The following CADM1 variants were observed in gnomAD, a reference collection of about 807,000 sequenced individuals.
CADM1 encodes the protein cell adhesion molecule 1.
A neutral mutation model predicts 53.1 loss-of-function variants in CADM1; 15 were observed. That is an observed-to-expected ratio of 0.28 (90% CI 0.19 to 0.44). CADM1 has a LOEUF of 0.44. Ranked by LOEUF, CADM1 falls within the 20% of genes least tolerant of loss-of-function variation. The pLI is 1.00. For missense variants in CADM1, 434 were observed against 611.3 expected (o/e 0.71, Z 3.06); for synonymous variants, 281 against 243.0 (o/e 1.16, Z -1.45).
intron 2 of CADM1, among the ~76,000 whole-genome samples, chr11:115,239,046 G>A (rs1352699267): frequency 1.3e-5 from 2 of 152,120 alleles, no homozygotes; most frequent in Admixed American, 6.6e-5. Context: ...CCCTGAAGCA[G>A]GGAGTGCCAG....
At chr11:115,302,543 T>A (rs2135139336) in intron 1 of CADM1, among the ~76,000 whole-genome samples, 1 of 152,228 alleles carries the variant, frequency 6.6e-6, no homozygotes, top group South Asian at 2.1e-4. Context: ...TTTGTGAAGT[T>A]TATAGTATGT....
intron 1 of CADM1, among the ~76,000 whole-genome samples, chr11:115,380,651 T>C (rs925931394): frequency 6.6e-6 from 1 of 152,208 alleles, no homozygotes; most frequent in East Asian, 1.9e-4. Flanking sequence ...TAAAAGACTA[T>C]GGCTGTCGAG....
intron 1 of CADM1, among the ~76,000 whole-genome samples, chr11:115,419,482 T>C (rs1431864891): frequency 6.6e-6 from 1 of 152,188 alleles, no homozygotes; most frequent in African/African-American, 2.4e-5. Context: ...AGAGACATAA[T>C]CCTTTTGAGT....
chr11:115,259,432 A>G (rs1291275330), intron 1 of CADM1, among the ~76,000 whole-genome samples: 2 of 146,772 alleles, frequency 1.4e-5, no homozygotes, highest in East Asian at 2.0e-4. Flanking sequence ...CAGCCCCCCA[A>G]GTGGCTGGGA....
At chr11:115,308,190 G>GTATATATATATA (rs1944432950) in intron 1 of CADM1, among the ~76,000 whole-genome samples, 1 of 53,682 alleles carries the variant, frequency 1.9e-5, no homozygotes, top group African/African-American at 1.1e-4. Context: ...TCACTCATAG[G>GTATATATATATA]TGTGTATATA....
At chr11:115,413,147 G>T (rs537921196) in intron 1 of CADM1, among the ~76,000 whole-genome samples, 1 of 152,340 alleles carries the variant, frequency 6.6e-6, no homozygotes, top group African/African-American at 2.4e-5. Flanking sequence ...GGAGGGAAGA[G>T]AGGGTGTGCA....
chr11:115,175,023 C>A lies in CADM1; in HGVS notation c.*1451G>T. On this transcript the variant is annotated 3_prime_UTR_variant, in exon 12 of 12. Coordinates refer to ENST00000331581, the MANE Select transcript of CADM1 (RefSeq NM_001301043.2). ...GCTATGCACTATGGCTGCCATCATG[C>A]GAGGATCAGTAATTTTTGGCAGATG... The A allele has an allele frequency of 1.0e-6, 1 of 985,788 alleles. No homozygotes were observed. The highest frequency in any genetic ancestry group is 1.2e-6 in the Non-Finnish European group (1 of 829,914). 61.1% of individuals were successfully genotyped at this position (985,788 alleles called of 1,614,324 possible).
At chr11:115,392,466 T>C (rs1946859910) in intron 1 of CADM1, among the ~76,000 whole-genome samples, 1 of 152,042 alleles carries the variant, frequency 6.6e-6, no homozygotes, top group South Asian at 2.1e-4. Context: ...TTTACATTGA[T>C]TAAACACCAC....
chr11:115,472,399 C>A (rs1483092202), intron 1 of CADM1, among the ~76,000 whole-genome samples: 1 of 152,010 alleles, frequency 6.6e-6, no homozygotes, highest in Non-Finnish European at 1.5e-5. Context: ...AACAGAGTAC[C>A]CAGGCTGAAA....
At chr11:115,422,887 TTC>T (rs979551495) in intron 1 of CADM1, among the ~76,000 whole-genome samples, 3 of 152,204 alleles carry the variant, frequency 2.0e-5, no homozygotes, top group Middle Eastern at 3.2e-3. Flanking sequence ...ATTTTCAAGA[TTC>T]TGTTTGTCAG....
chr11:115,211,960 T>C (rs1299175083), intron 7 of CADM1, among the ~76,000 whole-genome samples: 1 of 152,242 alleles, frequency 6.6e-6, no homozygotes, highest in African/African-American at 2.4e-5. Flanking sequence ...CCTCCCATTT[T>C]GTGCAAATCA....
At chr11:115,244,247 T>C (rs1942336348) in intron 1 of CADM1, among the ~76,000 whole-genome samples, 2 of 152,256 alleles carry the variant, frequency 1.3e-5, no homozygotes, top group African/African-American at 4.8e-5. Context: ...ATAGCAGAGT[T>C]GTTGGGGTGG....
chr11:115,409,450 A>T (rs891008622), intron 1 of CADM1, among the ~76,000 whole-genome samples: 1 of 152,082 alleles, frequency 6.6e-6, no homozygotes, highest in Non-Finnish European at 1.5e-5. Flanking sequence ...GTTAAATATT[A>T]GCATACCAAA....
At chr11:115,274,548 G>A (rs541076460) in intron 1 of CADM1, among the ~76,000 whole-genome samples, 19 of 152,310 alleles carry the variant, frequency 1.2e-4, no homozygotes, top group African/African-American at 3.6e-4. Flanking sequence ...CAATGTTTCT[G>A]TCAGAGCCAC....
At chr11:115,240,759 T>G in intron 1 of CADM1, 1 of 331,208 alleles carries the variant, frequency 3.0e-6, no homozygotes, top group Non-Finnish European at 5.8e-6. Context: ...CTCTCACAAA[T>G]GGAGTAGGGA....
intron 1 of CADM1, among the ~76,000 whole-genome samples, chr11:115,348,489 T>C: frequency 6.6e-6 from 1 of 152,182 alleles, no homozygotes; most frequent in Non-Finnish European, 1.5e-5. Flanking sequence ...TAGAAAACCT[T>C]ACCCTTCACT....
intron 1 of CADM1, among the ~76,000 whole-genome samples, chr11:115,456,699 A>G (rs536793600): frequency 4.6e-5 from 7 of 152,272 alleles, no homozygotes; most frequent in Admixed American, 2.0e-4. Context: ...AATCACTAAA[A>G]TCCCTTATAA....
intron 3 of CADM1, among the ~76,000 whole-genome samples, chr11:115,231,757 C>G (rs531306100): frequency 1.3e-5 from 2 of 152,044 alleles, no homozygotes. Context: ...GAGGCCGAGG[C>G]GGGCAGATTA....
At chr11:115,497,261 C>A (rs116669119) in intron 1 of CADM1, among the ~76,000 whole-genome samples, 2 of 152,262 alleles carry the variant, frequency 1.3e-5, no homozygotes, top group South Asian at 2.1e-4. Flanking sequence ...TTCTGAAATA[C>A]CTAGATCAAA....
Sources: gnomAD v4.1 joint callset for allele counts (sites outside exome capture counted in the v4.1 genomes callset) on GRCh38, gnomAD v4.1.1 for gene constraint, MANE v1.5 for transcripts, NCBI Gene and HGNC (gene_info 2026-07-23, HGNC 2026-07-21) for gene names.